COL14A1: variants seen among roughly 807,000 people sequenced by gnomAD.
COL14A1 encodes collagen type XIV alpha 1 chain.
Under a neutral mutation model 230.3 loss-of-function variants are expected in COL14A1, and 136 were observed. The observed-to-expected ratio is 0.59, with a 90% CI of 0.51 to 0.68. The LOEUF is 0.68. COL14A1 is among the 30% of genes least tolerant of loss of function. The pLI is 0.00. For missense variants in COL14A1, 1,976 were observed against 2,215.8 expected, an observed-to-expected ratio of 0.89 and a Z score of 2.17; for synonymous variants, 792 against 784.1, an observed-to-expected ratio of 1.01 and a Z score of -0.17.
chr8:120,218,260 C>CTA (rs34633309), intron 14 of COL14A1, among the ~76,000 whole-genome samples: 11 of 135,512 alleles, frequency 8.1e-5, no homozygotes, highest in Non-Finnish European at 1.6e-4. Context: ...AAGTATATGT[C>CTA]TATATATATA....
intron 23 of COL14A1, among the ~76,000 whole-genome samples, chr8:120,256,176 C>A (rs1819144842): frequency 2.6e-5 from 4 of 152,140 alleles, no homozygotes; most frequent in Admixed American, 1.3e-4. Flanking sequence ...TTAAAATCTT[C>A]CAAACTTGGG....
chr8:120,261,619 G>A (rs989668282), intron 23 of COL14A1, among the ~76,000 whole-genome samples: 1 of 152,168 alleles, frequency 6.6e-6, no homozygotes, highest in Non-Finnish European at 1.5e-5. Flanking sequence ...CCAATAGTTA[G>A]TCAGGTCTCC....
At chr8:120,359,246 C>T (rs1321354561) in intron 45 of COL14A1, among the ~76,000 whole-genome samples, 2 of 151,504 alleles carry the variant, frequency 1.3e-5, no homozygotes, top group Non-Finnish European at 2.9e-5. Context: ...CCCCTGACAG[C>T]CCCCGGTGTG....
intron 34 of COL14A1, among the ~76,000 whole-genome samples, chr8:120,290,453 A>G (rs1820338595): frequency 6.6e-6 from 1 of 152,226 alleles, no homozygotes; most frequent in Non-Finnish European, 1.5e-5. Flanking sequence ...TTCACAGCTA[A>G]TTAGCAGCAT....
At position 120,371,136 on chromosome 8, in the gene COL14A1, C is replaced by A. The variant is rs564519797; in HGVS notation, c.5312-16C>A. 1.3e-6 allele frequency: 2 copies of A among 1,594,016 alleles called. No homozygotes were observed. The highest frequency in any genetic ancestry group is 1.7e-6 in the Non-Finnish European group (2 of 1,172,616). ...CCTGGGTGCAGCAAGTCCCCACCCC[C>A]ACTTTTCCTCTTTAGCTCCCCATCC... On this transcript the variant is annotated splice_polypyrimidine_tract_variant and intron_variant, in intron 47 of 47. Transcript: ENST00000297848.
chr8:120,336,663 G>C (rs1449186298), intron 42 of COL14A1, among the ~76,000 whole-genome samples: 1 of 152,204 alleles, frequency 6.6e-6, no homozygotes, highest in Non-Finnish European at 1.5e-5. Flanking sequence ...GTTCAGCAGA[G>C]AGCTCGTGGC....
intron 21 of COL14A1, among the ~76,000 whole-genome samples, chr8:120,248,550 T>C (rs1818831936): frequency 6.6e-6 from 1 of 152,170 alleles, no homozygotes; most frequent in Non-Finnish European, 1.5e-5. Context: ...AAAACATTCT[T>C]ACGGTCATTA....
At chr8:120,336,714 A>G (rs999801140) in intron 42 of COL14A1, among the ~76,000 whole-genome samples, 2 of 152,152 alleles carry the variant, frequency 1.3e-5, no homozygotes, top group South Asian at 4.1e-4. Context: ...AACTTGGATT[A>G]CCATCCTCCC....
intron 37 of COL14A1, 99 bp downstream of exon 37, chr8:120,310,161 A>G: frequency 8.2e-7 from 1 of 1,222,926 alleles, no homozygotes; most frequent in Non-Finnish European, 1.2e-6. Flanking sequence ...TCACCCTTGC[A>G]ATCTAAAGTT....
intron 40 of COL14A1, among the ~76,000 whole-genome samples, chr8:120,331,361 A>G (rs1399203624): frequency 6.6e-6 from 1 of 152,198 alleles, no homozygotes; most frequent in Non-Finnish European, 1.5e-5. Context: ...TGAATATGAT[A>G]AAATTCAGAT....
intron 1 of COL14A1, among the ~76,000 whole-genome samples, chr8:120,131,981 G>A (rs990547537): frequency 2.0e-5 from 3 of 150,916 alleles, no homozygotes; most frequent in Non-Finnish European, 3.0e-5. Flanking sequence ...CTAGTAGTTG[G>A]GATTACAGGC....
intron 45 of COL14A1, among the ~76,000 whole-genome samples, chr8:120,352,090 A>C (rs1207422214): frequency 2.3e-5 from 1 of 43,748 alleles, no homozygotes; most frequent in Non-Finnish European, 3.9e-5. Flanking sequence ...CAATATACGC[A>C]AATCAATAAA....
intron 7 of COL14A1, 137 bp downstream of exon 7, chr8:120,198,067 C>A: frequency 1.2e-6 from 1 of 825,904 alleles, no homozygotes; most frequent in Non-Finnish European, 1.9e-6. Context: ...GGCTGTTTTC[C>A]CAAACTCAGC....
At chr8:120,276,989 A>G (rs980437789) in intron 26 of COL14A1, among the ~76,000 whole-genome samples, 1 of 152,088 alleles carries the variant, frequency 6.6e-6, no homozygotes, top group Non-Finnish European at 1.5e-5. Flanking sequence ...GCAGCAGCTT[A>G]AGGCCCATTT....
At chr8:120,228,470 A>G (rs1021110542) in intron 17 of COL14A1, among the ~76,000 whole-genome samples, 11 of 152,196 alleles carry the variant, frequency 7.2e-5, no homozygotes, top group Admixed American at 5.2e-4. Context: ...AAATGTTTAT[A>G]TGAAGCCTGG....
At chr8:120,244,199 T>C (rs1818697657) in intron 20 of COL14A1, among the ~76,000 whole-genome samples, 191 bp downstream of exon 20, 1 of 152,214 alleles carries the variant, frequency 6.6e-6, no homozygotes, top group African/African-American at 2.4e-5. Context: ...TTAAATGTTC[T>C]GGGCTGCAGT....
chr8:120,186,676 G>A (rs151008549), intron 5 of COL14A1, among the ~76,000 whole-genome samples: 1 of 152,302 alleles, frequency 6.6e-6, no homozygotes, highest in East Asian at 1.9e-4. Flanking sequence ...CGGTAGTGTG[G>A]CAGGGCAGGA....
chr8:120,167,368 T>C (rs767562679), intron 4 of COL14A1, among the ~76,000 whole-genome samples: 4 of 152,162 alleles, frequency 2.6e-5, no homozygotes, highest in African/African-American at 7.2e-5. Flanking sequence ...TAGCAATTAA[T>C]TGAAATACCT....
At chr8:120,228,807 A>G in intron 18 of COL14A1, 38 bp downstream of exon 18, 1 of 1,561,020 alleles carries the variant, frequency 6.4e-7, no homozygotes, top group East Asian at 2.2e-5. Flanking sequence ...CACTTTAAAA[A>G]TTTTCTTTAA....
Sources: allele counts gnomAD v4.1 joint callset (sites outside exome capture counted in the v4.1 genomes callset), GRCh38; gene constraint gnomAD v4.1.1; transcripts MANE v1.5; gene names NCBI Gene and HGNC (gene_info 2026-07-23, HGNC 2026-07-21).